The following ATG5 variants were observed in gnomAD, a reference collection of about 807,000 sequenced individuals.
ATG5 encodes the protein autophagy related 5.
A neutral mutation model predicts 36.5 loss-of-function variants in ATG5; 14 were observed. The ratio of observed to expected loss-of-function variants is 0.38; its 90% CI spans 0.25 to 0.60. The LOEUF is 0.60. Ranked by LOEUF, ATG5 falls within the 20% of genes least tolerant of loss-of-function variation. The pLI is 0.60. For missense variants in ATG5, 195 were observed against 326.7 expected (o/e 0.60, Z 3.11); for synonymous variants, 95 against 101.5 (o/e 0.94, Z 0.38).
chr6:106,247,273 C>T (rs1420598517), intron 6 of ATG5, among the ~76,000 whole-genome samples: 3 of 151,888 alleles, frequency 2.0e-5, no homozygotes, highest in African/African-American at 7.3e-5. Context: ...TTCTTAAATG[C>T]TTTTCTCATT....
At chr6:106,306,805 C>T (rs531354515) in intron 3 of ATG5, among the ~76,000 whole-genome samples, 20 of 151,912 alleles carry the variant, frequency 1.3e-4, no homozygotes, top group African/African-American at 4.9e-4. Context: ...TCTGTTTACA[C>T]TTCCTTTAAG....
intron 6 of ATG5, among the ~76,000 whole-genome samples, chr6:106,239,419 C>A (rs748014991): frequency 5.9e-5 from 9 of 152,104 alleles, no homozygotes; most frequent in African/African-American, 1.2e-4. Flanking sequence ...AAATTTAAAT[C>A]GAAATTTAAT....
chr6:106,246,978 T>A lies in ATG5; in HGVS notation c.573+1172A>T, dbSNP rs181472502. ...ACAATAACCCCGCCTTCATGAAAAA[T>A]ATGGACTATTTGAAAATTATACCTG... On this transcript the variant is annotated intron_variant, in intron 6 of 7. Transcript: ENST00000369076. Among the ~76,000 whole-genome samples the A allele has an allele frequency of 1.1e-4, 16 of 152,260 alleles. No individual in the cohort carries two copies. In the East Asian group the frequency reaches 3.1e-3, roughly 29 times the overall value.
Position 106,218,025 on chromosome 6 carries a change from C to T in ATG5, c.574-15936G>A, listed in dbSNP as rs536699405. Reference sequence around the variant, plus strand: ...AACAGGGTTCTAAGAAAATAGTATACATCAAATATTAATGTGCTTCTTGTA... The same window carrying T: ...AACAGGGTTCTAAGAAAATAGTATATATCAAATATTAATGTGCTTCTTGTA... On this transcript the variant is annotated intron_variant, in intron 6 of 7. Coordinates refer to ENST00000369076, the MANE Select transcript of ATG5 (RefSeq NM_004849.4). 3.3e-5 allele frequency among the ~76,000 whole-genome samples: 5 copies of T among 152,256 alleles called. No homozygotes were observed. The East Asian group carries it at 9.6e-4, about 29-fold the overall frequency.
intron 6 of ATG5, 69 bp from the exon 7 acceptor site, chr6:106,202,158 T>C: frequency 1.6e-6 from 2 of 1,227,698 alleles, no homozygotes; most frequent in East Asian, 4.7e-5. Context: ...AATTTATATA[T>C]CATAAACTTT....
chr6:106,231,060 T>C (rs772319681), intron 6 of ATG5, among the ~76,000 whole-genome samples: 2 of 151,128 alleles, frequency 1.3e-5, no homozygotes, highest in Non-Finnish European at 2.9e-5. Flanking sequence ...CAAAAGGAGA[T>C]AGACAAAGGG....
At chr6:106,193,327 A>G (rs73776554) in intron 7 of ATG5, among the ~76,000 whole-genome samples, 3,749 of 152,308 alleles carry the variant, frequency 0.025, 65 homozygotes, top group African/African-American at 0.049. Context: ...GATATACCAC[A>G]TATCTCTTTC....
At chr6:106,189,953 A>C (rs992688937) in intron 7 of ATG5, among the ~76,000 whole-genome samples, 2 of 152,144 alleles carry the variant, frequency 1.3e-5, no homozygotes, top group African/African-American at 4.8e-5. Flanking sequence ...CTTTTTAGAG[A>C]GTAATTTTTG....
intron 4 of ATG5, among the ~76,000 whole-genome samples, chr6:106,287,913 ATGT>A (rs1780143974): frequency 6.6e-6 from 1 of 152,146 alleles, no homozygotes; most frequent in Admixed American, 6.6e-5. Flanking sequence ...AGGTGGCAAA[ATGT>A]TAAAAAGCAG....
chr6:106,246,386 TCTCTCTCA>T (rs1485312379), intron 6 of ATG5, among the ~76,000 whole-genome samples: 41 of 96,158 alleles, frequency 4.3e-4, no homozygotes, highest in Non-Finnish European at 5.4e-4. Context: ...TCTCTCTCTC[TCTCTCTCA>T]CACACACACA....
intron 5 of ATG5, among the ~76,000 whole-genome samples, chr6:106,259,133 G>A (rs1184229593): frequency 6.6e-6 from 1 of 152,056 alleles, no homozygotes; most frequent in Non-Finnish European, 1.5e-5. Flanking sequence ...CCTCAAAACT[G>A]TTATATAACA....
intron 7 of ATG5, among the ~76,000 whole-genome samples, chr6:106,190,662 A>T (rs191799403): frequency 5.9e-4 from 90 of 151,634 alleles, no homozygotes; most frequent in African/African-American, 1.9e-3. Flanking sequence ...AAGTGAACAT[A>T]AAAAAAAAGT....
In ATG5 at chr6:106,321,464, T is replaced by C. The variant is rs1250452057; in HGVS notation, c.-59+4062A>G. 4.6e-5 allele frequency among the ~76,000 whole-genome samples: 7 copies of C among 152,136 alleles called. No individual in the cohort carries two copies. The East Asian group carries it at 1.4e-3, about 29-fold the overall frequency. On this transcript the variant is annotated intron_variant, in intron 1 of 7. Coordinates refer to ENST00000369076, the MANE Select transcript of ATG5 (RefSeq NM_004849.4). ...AGCTCCGTCTCCCGGGTTCACGCCA[T>C]TCTCCTGCCTCAGCCTCCCGAGTAG... is the stretch of plus-strand genomic sequence containing the variant.
At chr6:106,311,832 C>CT (rs539005722) in intron 2 of ATG5, among the ~76,000 whole-genome samples, 16,264 of 141,312 alleles carry the variant, frequency 0.12, 994 homozygotes, top group South Asian at 0.17. Context: ...TGATCTCCTT[C>CT]TTTTTTTTTT....
intron 6 of ATG5, among the ~76,000 whole-genome samples, chr6:106,229,559 TA>T (rs199498497): frequency 2.0e-5 from 3 of 149,138 alleles, no homozygotes; most frequent in East Asian, 3.9e-4. Flanking sequence ...ATAGAAATAG[TA>T]AAAAAAAACA....
At chr6:106,299,039 T>C (rs1012513591) in intron 3 of ATG5, among the ~76,000 whole-genome samples, 2 of 152,164 alleles carry the variant, frequency 1.3e-5, no homozygotes, top group African/African-American at 4.8e-5. Flanking sequence ...AACGTAACCA[T>C]TGGCTATTAT....
At chr6:106,321,500 A>G (rs1771068802) in intron 1 of ATG5, among the ~76,000 whole-genome samples, 1 of 151,928 alleles carries the variant, frequency 6.6e-6, no homozygotes. Flanking sequence ...CTGGGACTAC[A>G]GGCGCCCGCC....
chr6:106,311,606 G>T (rs1355722112), intron 2 of ATG5, among the ~76,000 whole-genome samples: 2 of 152,190 alleles, frequency 1.3e-5, no homozygotes, highest in African/African-American at 4.8e-5. Context: ...AAGGTACAGA[G>T]TTAAGACAGA....
intron 4 of ATG5, among the ~76,000 whole-genome samples, chr6:106,280,764 A>G (rs1220195505): frequency 6.6e-6 from 1 of 152,116 alleles, no homozygotes; most frequent in Non-Finnish European, 1.5e-5. Flanking sequence ...TTTTACAGAT[A>G]AAAAAATTAA....
Sources: gnomAD v4.1 joint callset for allele counts (sites outside exome capture counted in the v4.1 genomes callset) on GRCh38, gnomAD v4.1.1 for gene constraint, MANE v1.5 for transcripts, NCBI Gene and HGNC (gene_info 2026-07-23, HGNC 2026-07-21) for gene names.